The following IPO13 variants were observed in gnomAD, a reference collection of about 807,000 sequenced individuals.
IPO13 encodes importin-13.
A neutral mutation model predicts 115.5 loss-of-function variants in IPO13; 28 were observed. The observed-to-expected ratio is 0.24, with a 90% CI of 0.18 to 0.33. The LOEUF (loss-of-function observed/expected upper bound fraction) is 0.33, where lower values mean the gene tolerates loss of function less well. IPO13 is among the 10% of genes least tolerant of loss of function. The pLI is 1.00. For synonymous variants in IPO13, 414 were observed against 478.9 expected (o/e 0.86, Z 1.77); for missense variants, 785 against 1,204.6 (o/e 0.65, Z 5.16).
intron 14 of IPO13, 36 bp from the exon 15 acceptor site, chr1:43,964,233 A>G (rs779768196): frequency 2.4e-5 from 35 of 1,486,434 alleles, no homozygotes; most frequent in Non-Finnish European, 3.2e-5. Context: ...CTGTTTGTAT[A>G]ATTTTTTCTT....
Position 43,956,498 on chromosome 1 carries a change from C to A in IPO13, c.962+38C>A. The A allele has an allele frequency of 1.2e-6, 2 of 1,613,958 alleles. No individual in the cohort carries two copies. The highest frequency in any genetic ancestry group is 1.7e-6 in the Non-Finnish European group (2 of 1,179,920). On this transcript the variant is annotated intron_variant, in intron 3 of 19. Coordinates refer to ENST00000372343, the MANE Select transcript of IPO13 (RefSeq NM_014652.4). This position sits in a 1 kb window ranked among gnomAD's most constrained non-coding sequence, Gnocchi z 4.7. ...GCAGCTTGGGGTGGGATAGTAGGGCCCTCTAAGAAATGGGGTTCTGGAAGT... is the reference window on the plus strand; with the variant it reads ...GCAGCTTGGGGTGGGATAGTAGGGCACTCTAAGAAATGGGGTTCTGGAAGT...
chr1:43,956,466 G>A lies in IPO13; in HGVS notation c.962+6G>A, dbSNP rs767271136. The stretch of plus-strand genomic sequence containing the variant: ...CTGGGCGAGAACCACTCCCGGTAAA[G>A]GGTGGAGCAGCTTGGGGTGGGATAG... On this transcript the variant is annotated splice_donor_region_variant and intron_variant, in intron 3 of 19. Coordinates refer to ENST00000372343, the MANE Select transcript of IPO13 (RefSeq NM_014652.4). The surrounding 1 kb of genome is among the most constrained non-coding windows in gnomAD (Gnocchi z 4.7). 21 of 1,614,076 alleles carry A rather than the reference G, an allele frequency of 1.3e-5. No homozygotes were observed. Among genetic ancestry groups the A allele is most frequent in the Non-Finnish European group, 1.8e-5 (21 of 1,180,048 alleles).
chr1:43,958,596 G>A lies in IPO13; in HGVS notation c.1884+1G>A, dbSNP rs1381129819. The A allele has an allele frequency of 6.2e-7, 1 of 1,613,990 alleles. No individual in the cohort carries two copies. Among genetic ancestry groups the A allele is most frequent in the East Asian group, 2.2e-5 (1 of 44,888 alleles). ...ACTGGAGAAGCTGGCAGAGGAGATAGTGAGTGAGCTCTGGGGGCCAGGGAG... is the reference window on the plus strand; with the variant it reads ...ACTGGAGAAGCTGGCAGAGGAGATAATGAGTGAGCTCTGGGGGCCAGGGAG... On this transcript the variant is annotated splice_donor_variant, in intron 10 of 19. Transcript: ENST00000372343. LOFTEE classifies it high-confidence loss of function. This position sits in a 1 kb window ranked among gnomAD's most constrained non-coding sequence, Gnocchi z 6.3.
At chr1:43,963,461 T>G (rs2085303041) in intron 14 of IPO13, among the ~76,000 whole-genome samples, 1 of 152,158 alleles carries the variant, frequency 6.6e-6, no homozygotes, top group Non-Finnish European at 1.5e-5. Context: ...TAGGATGACA[T>G]GTTTCTTGTT....
chr1:43,959,713 C>T (rs2085276834), intron 11 of IPO13, among the ~76,000 whole-genome samples: 1 of 152,170 alleles, frequency 6.6e-6, no homozygotes, highest in African/African-American at 2.4e-5. Flanking sequence ...TTAGACCACC[C>T]CTGGGCCACT....
chr1:43,963,189 C>T (rs563045028), intron 14 of IPO13, among the ~76,000 whole-genome samples: 2 of 152,196 alleles, frequency 1.3e-5, no homozygotes, highest in Non-Finnish European at 2.9e-5. Context: ...TTGTGGCTTG[C>T]GCAAGATCAC....
rs1254509498 is a variant in IPO13 at position 43,958,953 on chromosome 1, G to A, written c.2028+64G>A. The A allele has an allele frequency of 1.4e-6, 2 of 1,463,338 alleles. No homozygotes were observed. Among genetic ancestry groups the A allele is most frequent in the Non-Finnish European group, 1.9e-6 (2 of 1,051,278 alleles). The allele number at this position is 1,463,338 out of a possible 1,614,324, so 90.6% of individuals were successfully genotyped here. On this transcript the variant is annotated intron_variant, in intron 11 of 19. Transcript: ENST00000372343. The surrounding 1 kb of genome is among the most constrained non-coding windows in gnomAD (Gnocchi z 6.3). ...GCCATCCCCCCAACCCCCACCTGTG[G>A]GAATGTCATTGTCACTCTTCAATTC...
intron 11 of IPO13, among the ~76,000 whole-genome samples, chr1:43,959,606 G>A (rs1209075409): frequency 6.6e-6 from 1 of 152,216 alleles, no homozygotes; most frequent in Non-Finnish European, 1.5e-5. Flanking sequence ...GTTGTTCCCA[G>A]AACTCCCTCC....
chr1:43,950,267 G>A (rs2085199846), intron 2 of IPO13, 114 bp downstream of exon 2: 1 of 1,266,238 alleles, frequency 7.9e-7, no homozygotes, highest in African/African-American at 1.5e-5. Flanking sequence ...GTCCTATGCT[G>A]GAGATACAGC....
rs980784897 is a variant in IPO13, at chr1:43,957,277, C to T, written c.1354C>T (p.Arg452Cys). ...LLSNLYDKLG[R>C]LLTSSEEPYS... ...CAGCAACCTCTATGACAAGCTGGGT[C>T]GTTTGCTCACCAGCTCAGAGGAGCC... is the stretch of plus-strand genomic sequence containing the variant. Residue 452 changes from arginine (R) to cysteine (C), a missense_variant, in exon 6 of 20, where the codon CGT becomes TGT. By Grantham distance (180) the Arg-to-Cys change is radical (BLOSUM62 -3). Coordinates refer to ENST00000372343, the MANE Select transcript of IPO13 (RefSeq NM_014652.4). 2.5e-6 allele frequency: 4 copies of T among 1,614,066 alleles called. No individual in the cohort carries two copies. Among genetic ancestry groups the T allele is most frequent in the Non-Finnish European group, 2.5e-6 (3 of 1,179,998 alleles).
intron 7 of IPO13, 127 bp downstream of exon 7, chr1:43,957,676 C>A: frequency 1.7e-6 from 2 of 1,199,994 alleles, no homozygotes; most frequent in Non-Finnish European, 2.4e-6. Context: ...AGTGTTGTAA[C>A]AAACTGACTG....
In IPO13 at chr1:43,947,588, G is replaced by A; in HGVS notation, c.-13G>A. On this transcript the variant is annotated 5_prime_UTR_variant, in exon 1 of 20. Transcript: ENST00000372343. ...AGATCAGGGCCCACCTCCCTGCCAGGGAGGGAGCAAAGATGGAGCGGCGGG... is the reference window on the plus strand; with the variant it reads ...AGATCAGGGCCCACCTCCCTGCCAGAGAGGGAGCAAAGATGGAGCGGCGGG... 7.7e-7 allele frequency: 1 copy of A among 1,298,894 alleles called. No individual in the cohort carries two copies. The highest frequency in any genetic ancestry group is 2.4e-5 in the South Asian group (1 of 41,756). The allele number at this position is 1,298,894 out of a possible 1,614,324, so 80.5% of individuals were successfully genotyped here. A position where few individuals can be genotyped will look rare whatever the true frequency, so the allele number is the denominator to read the frequency against.
At chr1:43,950,269 A>G in intron 2 of IPO13, 116 bp downstream of exon 2, 4 of 1,233,886 alleles carry the variant, frequency 3.2e-6, no homozygotes, top group South Asian at 3.1e-5. Flanking sequence ...CCTATGCTGG[A>G]GATACAGCAA....
At position 43,966,290 on chromosome 1, in the gene IPO13, A is replaced by G; in HGVS notation, c.2398-285A>G. On this transcript the variant is annotated intron_variant, in intron 15 of 19. Transcript: ENST00000372343. This position sits in a 1 kb window ranked among gnomAD's most constrained non-coding sequence, Gnocchi z 4.1. The stretch of plus-strand genomic sequence containing the variant: ...CTGGCCCTGATGGAGGGGGAGGGAA[A>G]GGTGTCTGGAACCCAAACTTTCTGC... 1 of 533,454 alleles carries G rather than the reference A, an allele frequency of 1.9e-6. No homozygotes were observed. Among genetic ancestry groups the G allele is most frequent in the Non-Finnish European group, 3.4e-6 (1 of 294,564 alleles). 33.0% of individuals were successfully genotyped at this position (533,454 alleles called of 1,614,324 possible).
chr1:43,967,913 C>T lies in IPO13; in HGVS notation c.*231C>T, dbSNP rs1038902749. 3.2e-5 allele frequency: 19 copies of T among 589,024 alleles called. No homozygotes were observed. The highest frequency in any genetic ancestry group is 4.5e-5 in the Non-Finnish European group (15 of 329,940). The allele number at this position is 589,024 out of a possible 1,614,324, so 36.5% of individuals were successfully genotyped here. A position where few individuals can be genotyped will look rare whatever the true frequency, so the allele number is the denominator to read the frequency against. Reference sequence around the variant, plus strand: ...AGGTTGGAAGAGATACTACTGTAGCCAAGCCACCTAGGCTGGAGCCCTTCA... The same window carrying T: ...AGGTTGGAAGAGATACTACTGTAGCTAAGCCACCTAGGCTGGAGCCCTTCA... On this transcript the variant is annotated 3_prime_UTR_variant, in exon 20 of 20. Coordinates refer to ENST00000372343, the MANE Select transcript of IPO13 (RefSeq NM_014652.4). The surrounding 1 kb of genome is among the most constrained non-coding windows in gnomAD (Gnocchi z 6.1).
At position 43,947,656 on chromosome 1, in the gene IPO13, T is replaced by G. The variant is rs778851760; in HGVS notation, c.56T>G (p.Leu19Trp). The change falls in exon 1 of 20, where the codon TTG becomes TGG. Residue 19 changes from leucine to tryptophan, a missense_variant. Transcript: ENST00000372343. ...GAAGAGAAPALDFTVENVEKA... is the reference protein window; with the variant it reads ...GAAGAGAAPAWDFTVENVEKA... ...GCAGGGGCTGGAGCAGCACCAGCCTTGGACTTCACTGTGGAGAACGTGGAG... is the reference window on the plus strand; with the variant it reads ...GCAGGGGCTGGAGCAGCACCAGCCTGGGACTTCACTGTGGAGAACGTGGAG... 7.5e-6 allele frequency: 10 copies of G among 1,331,636 alleles called. No homozygotes were observed. The highest frequency in any genetic ancestry group is 5.8e-6 in the Non-Finnish European group (6 of 1,032,520). 82.5% of individuals were successfully genotyped at this position (1,331,636 alleles called of 1,614,324 possible). A position where few individuals can be genotyped will look rare whatever the true frequency, so the allele number is the denominator to read the frequency against.
Position 43,966,960 on chromosome 1 carries a change from G to C in IPO13, c.2554G>C (p.Glu852Gln). Reference sequence around the variant, plus strand: ...GCTGCTGCCTCGGTGTGGGGAAGTAGAGTCTGTGGGAAAGGTGGTACAGGA... The same window carrying C: ...GCTGCTGCCTCGGTGTGGGGAAGTACAGTCTGTGGGAAAGGTGGTACAGGA... ...TELLPRCGEV[E>Q]SVGKVVQEDG... Residue 852 changes from glutamate to glutamine, a missense_variant, in exon 18 of 20, where the codon GAG becomes CAG. Coordinates refer to ENST00000372343, the MANE Select transcript of IPO13 (RefSeq NM_014652.4). The surrounding 1 kb of genome is among the most constrained non-coding windows in gnomAD (Gnocchi z 4.1). The C allele has an allele frequency of 1.2e-6, 2 of 1,613,880 alleles. No individual in the cohort carries two copies. The highest frequency in any genetic ancestry group is 1.7e-6 in the Non-Finnish European group (2 of 1,180,032).
At chr1:43,955,321 T>G (rs996788210) in intron 2 of IPO13, among the ~76,000 whole-genome samples, 13 of 152,012 alleles carry the variant, frequency 8.6e-5, no homozygotes, top group African/African-American at 3.1e-4. Flanking sequence ...TGTATCCCAC[T>G]CTTGTTCAAT....
chr1:43,959,749 C>T (rs183202380), intron 11 of IPO13, among the ~76,000 whole-genome samples: 32 of 152,302 alleles, frequency 2.1e-4, no homozygotes, highest in Non-Finnish European at 4.1e-4. Context: ...TGCTTCTTTA[C>T]ATGGTAGTCA....
Sources: gnomAD v4.1 joint callset for allele counts (sites outside exome capture counted in the v4.1 genomes callset) on GRCh38, gnomAD v4.1.1 for gene constraint, Gnocchi (gnomAD v3.1) non-coding constraint, MANE v1.5 for transcripts, NCBI Gene and HGNC (gene_info 2026-07-23, HGNC 2026-07-21) for gene names.